Variants in SLC35D1 observed in about 807,000 individuals in gnomAD.
The protein encoded by SLC35D1 is solute carrier family 35 member D1.
In SLC35D1, 31 loss-of-function variants were observed where a neutral mutation model predicts 46.7. That is an observed-to-expected ratio of 0.66 (90% CI 0.50 to 0.90). SLC35D1 has a LOEUF of 0.90. SLC35D1 is among the 40% of genes least tolerant of loss of function. The pLI is 0.00. For synonymous variants in SLC35D1, 195 were observed against 164.6 expected, an observed-to-expected ratio of 1.18 and a Z score of -1.41; for missense variants, 397 against 426.2, an observed-to-expected ratio of 0.93 and a Z score of 0.60.
intron 11 of SLC35D1, among the ~76,000 whole-genome samples, chr1:67,006,634 A>C (rs1667452888): frequency 1.3e-5 from 2 of 152,206 alleles, no homozygotes; most frequent in South Asian, 4.1e-4. Flanking sequence ...AATTTATTCC[A>C]GGCTTAGCCC....
At chr1:67,052,170 C>A in intron 3 of SLC35D1, 91 bp from the exon 4 acceptor site, 1 of 958,508 alleles carries the variant, frequency 1.0e-6, no homozygotes, top group South Asian at 1.4e-5. Flanking sequence ...TTTATATGAT[C>A]AAAATTTTTT....
At position 67,010,302 on chromosome 1, in the gene SLC35D1, G is replaced by A. The variant is rs143486198; in HGVS notation, c.877-1135C>T. On this transcript the variant is annotated intron_variant, in intron 10 of 11. Transcript: ENST00000235345. Reference sequence around the variant, plus strand: ...CCTCAGTGACACACAATTTACCCACGTAACAAACCTGCACATGCACCCCCA... The same window carrying A: ...CCTCAGTGACACACAATTTACCCACATAACAAACCTGCACATGCACCCCCA... Among the ~76,000 whole-genome samples, 292 of 152,212 alleles carry A rather than the reference G, an allele frequency of 1.9e-3. 1 individual carries two copies. Among genetic ancestry groups the A allele is most frequent in the African/African-American group, 6.9e-3 (285 of 41,532 alleles).
At chr1:66,976,555 A>T in the SLC35D1 span, 1 of 1,528,316 alleles carries the variant, frequency 6.5e-7, no homozygotes, top group African/African-American at 1.4e-5. Context: ...TAACTTTGTT[A>T]AAAAGGAGAT....
At chr1:66,981,853 C>T in the SLC35D1 span, 9 of 1,614,034 alleles carry the variant, frequency 5.6e-6, no homozygotes, top group Admixed American at 1.7e-5. Flanking sequence ...CCCCCAACTG[C>T]ATCAAACAGT....
the SLC35D1 span, among the ~76,000 whole-genome samples, chr1:66,977,876 C>T: frequency 2.0e-5 from 3 of 151,908 alleles, no homozygotes; most frequent in African/African-American, 7.3e-5. Flanking sequence ...TAAAGATGTT[C>T]TTAAAGCTGA....
chr1:67,013,158 A>ATATATATATATATATATATATG lies in SLC35D1; in HGVS notation c.877-3992_877-3991insCATATATATATATATATATATA. 6.0e-3 allele frequency among the ~76,000 whole-genome samples: 623 copies of ATATATATATATATATATATATG among 103,530 alleles called. 72 individuals carry two copies. Among genetic ancestry groups the ATATATATATATATATATATATG allele is most frequent in the African/African-American group, 0.023 (414 of 17,754 alleles). The allele number at this position is 103,530 out of a possible 152,430, so 67.9% of individuals were successfully genotyped here. ...TAATTTAAGAACATATATCCTGGAG[A>ATATATATATATATATATATATG]TATATATATATCCTGTTCTTAAATT... On this transcript the variant is annotated intron_variant, in intron 10 of 11. Transcript: ENST00000235345.
the SLC35D1 span, among the ~76,000 whole-genome samples, chr1:66,992,682 AAAG>A: frequency 2.6e-5 from 4 of 152,238 alleles, no homozygotes; most frequent in African/African-American, 9.6e-5. Flanking sequence ...GATGGCCAGA[AAAG>A]TAGGATACTA....
intron 8 of SLC35D1, among the ~76,000 whole-genome samples, chr1:67,037,680 A>G (rs1452093672): frequency 6.6e-6 from 1 of 152,248 alleles, no homozygotes; most frequent in Admixed American, 6.5e-5. Flanking sequence ...TCATCAATTC[A>G]TTTGAAATCT....
chr1:67,046,521 T>C (rs959340065), intron 7 of SLC35D1, among the ~76,000 whole-genome samples: 2 of 152,180 alleles, frequency 1.3e-5, no homozygotes, highest in African/African-American at 4.8e-5. Flanking sequence ...TATGGTGACA[T>C]CTAAGATAAG....
chr1:66,983,135 C>T, the SLC35D1 span, among the ~76,000 whole-genome samples: 8 of 152,256 alleles, frequency 5.3e-5, no homozygotes, highest in Admixed American at 1.3e-4. Context: ...CTCAACATTA[C>T]GTACAGTCAA....
chr1:66,988,093 T>C, the SLC35D1 span: 1 of 136,024 alleles, frequency 7.4e-6, no homozygotes, highest in Admixed American at 7.2e-5. Flanking sequence ...GGCTGGTGAA[T>C]ATAATAGGCA....
At chr1:66,980,824 A>C in the SLC35D1 span, among the ~76,000 whole-genome samples, 8 of 151,958 alleles carry the variant, frequency 5.3e-5, no homozygotes, top group Non-Finnish European at 1.0e-4. Context: ...CTTTTTCTGT[A>C]ACAGGTAGAG....
intron 8 of SLC35D1, among the ~76,000 whole-genome samples, chr1:67,038,062 T>C (rs1199714738): frequency 6.6e-6 from 1 of 152,122 alleles, no homozygotes; most frequent in Non-Finnish European, 1.5e-5. Context: ...ACAGTGTCAG[T>C]CAAATAATAT....
At chr1:66,994,222 C>A in the SLC35D1 span, among the ~76,000 whole-genome samples, 65 of 152,298 alleles carry the variant, frequency 4.3e-4, no homozygotes, top group Admixed American at 2.4e-3. Context: ...TTAGTTTCAC[C>A]GTCAGTGTCA....
intron 10 of SLC35D1, among the ~76,000 whole-genome samples, chr1:67,013,499 G>T (rs1219792539): frequency 6.6e-6 from 1 of 151,988 alleles, no homozygotes; most frequent in African/African-American, 2.4e-5. Flanking sequence ...AGGCTGCAGT[G>T]AGCCATGATT....
rs1667368948 is a variant in SLC35D1 at position 67,002,838 on chromosome 1, C to T, written c.*1502G>A. The T allele has an allele frequency of 6.6e-6, 1 of 152,380 alleles. No individual in the cohort carries two copies. Among genetic ancestry groups the T allele is most frequent in the Non-Finnish European group, 1.5e-5 (1 of 68,056 alleles). The allele number at this position is 152,380 out of a possible 1,614,324, so 9.4% of individuals were successfully genotyped here. A position where few individuals can be genotyped will look rare whatever the true frequency, so the allele number is the denominator to read the frequency against. On this transcript the variant is annotated 3_prime_UTR_variant, in exon 12 of 12. Transcript: ENST00000235345. ...GTGCAAAGGTACCAAATCTCTTGCA[C>T]ACTGGCTGTACAACTGGCCTGAGCA...
In SLC35D1 at chr1:67,001,490, C is replaced by G. The variant is rs76609130; in HGVS notation, c.*2850G>C. Reference sequence around the variant, plus strand: ...GAAGCAGATTGGCCAAAGAGGGTCTCACTTACATTGAACAGGAGACACTAG... The same window carrying G: ...GAAGCAGATTGGCCAAAGAGGGTCTGACTTACATTGAACAGGAGACACTAG... On this transcript the variant is annotated 3_prime_UTR_variant, in exon 12 of 12. Coordinates refer to ENST00000235345, the MANE Select transcript of SLC35D1 (RefSeq NM_015139.3). The G allele has an allele frequency of 0.018, 2,671 of 152,350 alleles. 31 individuals carry two copies. The highest frequency in any genetic ancestry group is 0.028 in the Non-Finnish European group (1,915 of 68,034). 9.4% of individuals were successfully genotyped at this position (152,350 alleles called of 1,614,324 possible).
At chr1:67,015,192 T>A (rs1227109493) in intron 10 of SLC35D1, among the ~76,000 whole-genome samples, 9 of 140,960 alleles carry the variant, frequency 6.4e-5, no homozygotes, top group Non-Finnish European at 1.2e-4. Context: ...AGATTTTGCC[T>A]AGTATAAACG....
At chr1:67,052,496 G>C (rs1396595717) in intron 3 of SLC35D1, among the ~76,000 whole-genome samples, 1 of 152,150 alleles carries the variant, frequency 6.6e-6, no homozygotes, top group African/African-American at 2.4e-5. Context: ...GGCTAGATTA[G>C]ATGGATAGAG....
Sources: allele counts gnomAD v4.1 joint callset (sites outside exome capture counted in the v4.1 genomes callset), GRCh38; gene constraint gnomAD v4.1.1; transcripts MANE v1.5; gene names NCBI Gene and HGNC (gene_info 2026-07-23, HGNC 2026-07-21).